Variants in SLC35F1 observed in about 807,000 individuals in gnomAD.
SLC35F1 encodes chromosome 6 open reading frame 169.
SLC35F1 carries 14 observed loss-of-function variants against 48.7 expected under a neutral mutation model. The ratio of observed to expected loss-of-function variants is 0.29; its 90% CI spans 0.19 to 0.45. SLC35F1 has a LOEUF of 0.45. SLC35F1 is among the 20% of genes least tolerant of loss of function. The probability of loss-of-function intolerance (pLI) is 1.00; values close to 1 mark genes in which losing one functional copy is unlikely to be tolerated. For synonymous variants in SLC35F1, 190 were observed against 202.2 expected (o/e 0.94, Z 0.51); for missense variants, 404 against 500.0 (o/e 0.81, Z 1.83).
intron 1 of SLC35F1, among the ~76,000 whole-genome samples, chr6:118,080,348 A>C (rs1772887493): frequency 6.6e-6 from 1 of 152,186 alleles, no homozygotes; most frequent in Admixed American, 6.5e-5. Context: ...GTGGAGGATT[A>C]GTGGGATCAC....
chr6:118,132,001 T>A (rs1773721190), intron 1 of SLC35F1, among the ~76,000 whole-genome samples: 1 of 152,138 alleles, frequency 6.6e-6, no homozygotes, highest in African/African-American at 2.4e-5. Flanking sequence ...AGGTGTATCA[T>A]CCATTCTTTT....
chr6:118,212,720 A>T (rs1775015639), intron 2 of SLC35F1, among the ~76,000 whole-genome samples: 1 of 119,888 alleles, frequency 8.3e-6, no homozygotes, highest in African/African-American at 3.4e-5. Flanking sequence ...AAAGGAAGGA[A>T]GGAAGGAAAG....
intron 1 of SLC35F1, among the ~76,000 whole-genome samples, chr6:118,092,552 A>G (rs1226685234): frequency 2.0e-5 from 3 of 152,180 alleles, no homozygotes; most frequent in African/African-American, 7.2e-5. Context: ...GCCATCCTCC[A>G]GACCTCCACT....
chr6:118,062,425 T>A (rs1327737813), intron 1 of SLC35F1, among the ~76,000 whole-genome samples: 3 of 152,204 alleles, frequency 2.0e-5, no homozygotes, highest in Admixed American at 2.0e-4. Context: ...CATGAGGTAT[T>A]TTGATACAGG....
chr6:118,119,434 T>G (rs1773520648), intron 1 of SLC35F1, among the ~76,000 whole-genome samples: 1 of 150,260 alleles, frequency 6.7e-6, no homozygotes, highest in Non-Finnish European at 1.5e-5. Context: ...ACAGTTTACC[T>G]AAAATGTCTA....
intron 1 of SLC35F1, among the ~76,000 whole-genome samples, chr6:118,100,119 A>T (rs935879857): frequency 6.6e-6 from 1 of 152,192 alleles, no homozygotes; most frequent in Non-Finnish European, 1.5e-5. Context: ...AGTTTGAATA[A>T]CTTGCTCTAG....
chr6:117,961,837 A>C (rs1051272487), intron 1 of SLC35F1, among the ~76,000 whole-genome samples: 1 of 152,222 alleles, frequency 6.6e-6, no homozygotes, highest in Admixed American at 6.5e-5. Flanking sequence ...CAACTCAATC[A>C]ATAGCTCTTC....
intron 1 of SLC35F1, among the ~76,000 whole-genome samples, chr6:118,072,127 A>C (rs971381730): frequency 2.6e-5 from 4 of 152,100 alleles, no homozygotes; most frequent in African/African-American, 9.7e-5. Context: ...TTATTTTGAG[A>C]GACTTCCTTG....
intron 1 of SLC35F1, among the ~76,000 whole-genome samples, chr6:118,113,172 C>T (rs1167138517): frequency 3.3e-5 from 5 of 152,228 alleles, no homozygotes; most frequent in Non-Finnish European, 7.4e-5. Flanking sequence ...CTCACTGCAG[C>T]CTTGAACTCC....
rs983291505 is a variant in SLC35F1, at chr6:118,262,143, G to A, written c.478-4852G>A. Among the ~76,000 whole-genome samples, 6 of 152,262 alleles carry A rather than the reference G, an allele frequency of 3.9e-5. No individual in the cohort carries two copies. The East Asian group carries it at 5.8e-4, about 15-fold the overall frequency. The stretch of plus-strand genomic sequence containing the variant: ...CCACTACTGGGACAGCTTCATGACC[G>A]TGTTTGAGGGGGCTGCGCGCATCAT... On this transcript the variant is annotated intron_variant, in intron 3 of 7. Coordinates refer to ENST00000360388, the MANE Select transcript of SLC35F1 (RefSeq NM_001029858.4).
chr6:117,999,097 G>A, intron 1 of SLC35F1: 1 of 1,555,424 alleles, frequency 6.4e-7, no homozygotes, highest in Non-Finnish European at 8.8e-7. Flanking sequence ...AGTTCCTGAG[G>A]AACATGCGCT....
At chr6:118,012,382 T>C (rs1777261803) in intron 1 of SLC35F1, among the ~76,000 whole-genome samples, 1 of 151,264 alleles carries the variant, frequency 6.6e-6, no homozygotes, top group Non-Finnish European at 1.5e-5. Flanking sequence ...GATACGTGAC[T>C]GTGAGAGTCT....
chr6:117,946,665 A>G (rs1015908261), intron 1 of SLC35F1, among the ~76,000 whole-genome samples: 2 of 152,182 alleles, frequency 1.3e-5, no homozygotes, highest in Non-Finnish European at 2.9e-5. Flanking sequence ...GCTTTTTTAC[A>G]TTACCAAAGA....
At chr6:117,918,606 T>C (rs1775856519) in intron 1 of SLC35F1, among the ~76,000 whole-genome samples, 1 of 152,130 alleles carries the variant, frequency 6.6e-6, no homozygotes, top group South Asian at 2.1e-4. Context: ...GAAACAGTCA[T>C]TTCGAAGAGT....
chr6:118,216,465 C>CAAA (rs55750771), intron 2 of SLC35F1, among the ~76,000 whole-genome samples: 2 of 139,090 alleles, frequency 1.4e-5, no homozygotes, highest in Non-Finnish European at 1.5e-5. Flanking sequence ...ACCCCCACTT[C>CAAA]AAAAAAAAAA....
At chr6:118,066,210 A>T (rs1002676256) in intron 1 of SLC35F1, among the ~76,000 whole-genome samples, 1 of 152,224 alleles carries the variant, frequency 6.6e-6, no homozygotes, top group East Asian at 1.9e-4. Context: ...CTAATATTTA[A>T]ATCATTTAAC....
chr6:118,131,246 C>CA (rs142347316), intron 1 of SLC35F1, among the ~76,000 whole-genome samples: 51,769 of 151,646 alleles, frequency 0.34, 9,623 homozygotes, highest in Non-Finnish European at 0.43. Context: ...AAGCATAAAA[C>CA]AAAAAAAATC....
chr6:118,180,725 A>G (rs1774563577), intron 2 of SLC35F1, among the ~76,000 whole-genome samples: 1 of 152,110 alleles, frequency 6.6e-6, no homozygotes, highest in East Asian at 1.9e-4. Context: ...GAGAATGTGC[A>G]ATATGAACTC....
intron 3 of SLC35F1, 114 bp downstream of exon 3, chr6:118,235,750 G>C: frequency 9.6e-7 from 1 of 1,041,912 alleles, no homozygotes; most frequent in Non-Finnish European, 1.3e-6. Flanking sequence ...CTATACTATA[G>C]TATACAGACT....
Sources: gnomAD v4.1 joint callset for allele counts (sites outside exome capture counted in the v4.1 genomes callset) on GRCh38, gnomAD v4.1.1 for gene constraint, MANE v1.5 for transcripts, NCBI Gene and HGNC (gene_info 2026-07-23, HGNC 2026-07-21) for gene names.